ELAPOR2: variants seen among roughly 807,000 people sequenced by gnomAD.
ELAPOR2 encodes the protein endosome-lysosome associated apoptosis and autophagy regulator family member 2, also known as endosome/lysosome-associated apoptosis and autophagy regulator family member 2.
A neutral mutation model predicts 120.7 loss-of-function variants in ELAPOR2; 89 were observed. That is an observed-to-expected ratio of 0.74 (90% CI 0.62 to 0.88). ELAPOR2 has a LOEUF of 0.88. Among genes scored for constraint, ELAPOR2 ranks in the 40% least tolerant of loss-of-function variants. The pLI, the probability that ELAPOR2 is intolerant of heterozygous loss-of-function variation, is 0.00. For missense variants in ELAPOR2, 1,134 were observed against 1,251.6 expected (o/e 0.91, Z 1.42); for synonymous variants, 444 against 444.9 (o/e 1.00, Z 0.03).
At chr7:87,038,825 C>T (rs771578285) in intron 1 of ELAPOR2, among the ~76,000 whole-genome samples, 1 of 151,648 alleles carries the variant, frequency 6.6e-6, no homozygotes, top group Non-Finnish European at 1.5e-5. Flanking sequence ...TAAGTGTCTA[C>T]ATCAAAAAAG....
chr7:87,050,829 G>A (rs1345417220), intron 1 of ELAPOR2, among the ~76,000 whole-genome samples: 1 of 152,198 alleles, frequency 6.6e-6, no homozygotes, highest in African/African-American at 2.4e-5. Flanking sequence ...CAGCTATTGG[G>A]AAGAGGATTT....
At chr7:86,942,956 T>C (rs933959515) in intron 4 of ELAPOR2, among the ~76,000 whole-genome samples, 1 of 152,058 alleles carries the variant, frequency 6.6e-6, no homozygotes, top group Admixed American at 6.6e-5. Context: ...TAAAATGTTC[T>C]CCTTAAGAGC....
chr7:86,915,575 A>T lies in ELAPOR2; in HGVS notation c.1594-715T>A, dbSNP rs535370730. Among the ~76,000 whole-genome samples, 8 of 151,902 alleles carry T rather than the reference A, an allele frequency of 5.3e-5. No homozygotes were observed. In the East Asian group the frequency reaches 9.6e-4, roughly 18 times the overall value. On this transcript the variant is annotated intron_variant, in intron 12 of 21. Transcript: ENST00000450689. ...TAATAAGTTGACCAGATAATGTAAC[A>T]TACATCTAATTTATATAAAAAGAAA... is the stretch of plus-strand genomic sequence containing the variant.
chr7:86,929,953 A>G (rs2519711), intron 8 of ELAPOR2, among the ~76,000 whole-genome samples: 9,617 of 151,920 alleles, frequency 0.063, 371 homozygotes, highest in African/African-American at 0.11. Context: ...AGGTCTTCTC[A>G]GCCACGTTTC....
intron 1 of ELAPOR2, among the ~76,000 whole-genome samples, chr7:86,981,779 G>A (rs933256546): frequency 2.3e-4 from 35 of 152,324 alleles, no homozygotes; most frequent in African/African-American, 8.4e-4. Flanking sequence ...TTCCAACTAA[G>A]GTACCTGGTT....
intron 1 of ELAPOR2, among the ~76,000 whole-genome samples, chr7:86,988,363 T>A (rs980892840): frequency 6.8e-6 from 1 of 146,156 alleles, no homozygotes; most frequent in African/African-American, 2.6e-5. Flanking sequence ...AGGAAAAAAA[T>A]TAAAAATAAC....
chr7:86,965,188 T>C lies in ELAPOR2; in HGVS notation c.190-164A>G, dbSNP rs1252413086. On this transcript the variant is annotated intron_variant, in intron 1 of 21. Coordinates refer to ENST00000450689, the MANE Select transcript of ELAPOR2 (RefSeq NM_001142749.3). ...AAGCAGCTTATTGATCAAAGAGGTA[T>C]GGTGCTAGACACAGAGTAGGTGCTG... Among the ~76,000 whole-genome samples, 11 of 152,116 alleles carry C rather than the reference T, an allele frequency of 7.2e-5. 1 individual carries two copies. In the East Asian group the frequency reaches 1.5e-3, roughly 21 times the overall value.
At chr7:87,057,569 G>A (rs1207996152) in intron 1 of ELAPOR2, among the ~76,000 whole-genome samples, 3 of 152,046 alleles carry the variant, frequency 2.0e-5, no homozygotes, top group Non-Finnish European at 4.4e-5. Context: ...AGATCTCAAC[G>A]GATGAGTCAC....
chr7:87,028,057 C>G (rs368427566), intron 1 of ELAPOR2, among the ~76,000 whole-genome samples: 1 of 152,092 alleles, frequency 6.6e-6, no homozygotes. Flanking sequence ...ATTTAGAAGA[C>G]ATGTTGAAGT....
chr7:86,921,339 C>T (rs1028783935), intron 10 of ELAPOR2, among the ~76,000 whole-genome samples: 3 of 151,984 alleles, frequency 2.0e-5, no homozygotes, highest in Non-Finnish European at 2.9e-5. Flanking sequence ...GAGGAAAATA[C>T]GGTCACAGAT....
intron 19 of ELAPOR2, 131 bp downstream of exon 19, chr7:86,897,375 T>TA: frequency 8.8e-7 from 1 of 1,141,634 alleles, no homozygotes; most frequent in Non-Finnish European, 1.2e-6. Flanking sequence ...AACTTGATTT[T>TA]AAATGCCTAC....
intron 1 of ELAPOR2, among the ~76,000 whole-genome samples, chr7:86,978,450 A>G (rs1792353991): frequency 6.6e-6 from 1 of 152,222 alleles, no homozygotes; most frequent in African/African-American, 2.4e-5. Flanking sequence ...AAAATATAAG[A>G]CACACTGGTT....
chr7:86,999,193 G>A (rs1793228911), intron 1 of ELAPOR2, among the ~76,000 whole-genome samples: 1 of 151,866 alleles, frequency 6.6e-6, no homozygotes, highest in Non-Finnish European at 1.5e-5. Context: ...TGCTTTCCTT[G>A]GCATTTTCTA....
chr7:86,909,738 T>C (rs1230809217), intron 16 of ELAPOR2, 74 bp downstream of exon 16: 2 of 1,299,070 alleles, frequency 1.5e-6, no homozygotes, highest in Non-Finnish European at 2.1e-6. Context: ...CAAACACCAA[T>C]ACAATGACAA....
At position 86,938,114 on chromosome 7, in the gene ELAPOR2, C is replaced by T; in HGVS notation, c.1089+12G>A. The T allele has an allele frequency of 1.3e-6, 2 of 1,544,814 alleles. No homozygotes were observed. The highest frequency in any genetic ancestry group is 8.8e-7 in the Non-Finnish European group (1 of 1,141,454). ...AAAATATGGGATGGAGTTGATGCAA[C>T]ACTGCTGGTACCTTTCCTTCTTCAT... On this transcript the variant is annotated intron_variant, in intron 8 of 21. Transcript: ENST00000450689.
intron 21 of ELAPOR2, among the ~76,000 whole-genome samples, chr7:86,887,527 T>C (rs951735316): frequency 6.6e-6 from 1 of 152,100 alleles, no homozygotes; most frequent in Non-Finnish European, 1.5e-5. Context: ...ACTCTACCCA[T>C]ACATTGTGAA....
In ELAPOR2 at chr7:86,919,328, C is replaced by G; in HGVS notation, c.1400-18G>C. The G allele has an allele frequency of 6.8e-7, 1 of 1,460,640 alleles. No homozygotes were observed. The highest frequency in any genetic ancestry group is 9.4e-7 in the Non-Finnish European group (1 of 1,060,358). The allele number at this position is 1,460,640 out of a possible 1,614,324, so 90.5% of individuals were successfully genotyped here. ...CTCCCAACCTAGAAGTAATAAAAGT[C>G]ATTTTTATTAATAAAAATTCCATTA... On this transcript the variant is annotated intron_variant, in intron 10 of 21. Coordinates refer to ENST00000450689, the MANE Select transcript of ELAPOR2 (RefSeq NM_001142749.3).
chr7:86,884,547 G>C (rs1799597747), intron 21 of ELAPOR2, among the ~76,000 whole-genome samples: 1 of 152,136 alleles, frequency 6.6e-6, no homozygotes, highest in Non-Finnish European at 1.5e-5. Flanking sequence ...AGAGCTGACT[G>C]CAGGATTTAA....
Position 86,914,482 on chromosome 7 carries a change from T to C in ELAPOR2, c.1731+241A>G, listed in dbSNP as rs146990145. ...TTCCTTCTCATAAGTTTCCAAAAAC[T>C]GTATTTGTTCAGAGTGAAGAACAAT... On this transcript the variant is annotated intron_variant, in intron 13 of 21. Coordinates refer to ENST00000450689, the MANE Select transcript of ELAPOR2 (RefSeq NM_001142749.3). Among the ~76,000 whole-genome samples, 381 of 152,306 alleles carry C rather than the reference T, an allele frequency of 2.5e-3. 4 individuals carry two copies. Among genetic ancestry groups the C allele is most frequent in the African/African-American group, 7.6e-3 (316 of 41,586 alleles).
Sources: allele counts gnomAD v4.1 joint callset (sites outside exome capture counted in the v4.1 genomes callset), GRCh38; gene constraint gnomAD v4.1.1; transcripts MANE v1.5; gene names NCBI Gene and HGNC (gene_info 2026-07-23, HGNC 2026-07-21).